TSNARE1: variants seen among roughly 807,000 people sequenced by gnomAD.
The protein encoded by TSNARE1 is t-SNARE domain-containing protein 1.
Under a neutral mutation model 62.0 loss-of-function variants are expected in TSNARE1, and 49 were observed. The ratio of observed to expected loss-of-function variants is 0.79; its 90% CI spans 0.63 to 1.00. TSNARE1 has a LOEUF of 1.00. TSNARE1 is among the 50% of genes least tolerant of loss of function. The probability of loss-of-function intolerance (pLI) is 0.00; values close to 1 mark genes in which losing one functional copy is unlikely to be tolerated. For synonymous variants in TSNARE1, 328 were observed against 294.4 expected (o/e 1.11, Z -1.17); for missense variants, 755 against 700.1 (o/e 1.08, Z -0.88).
At chr8:142,331,223 G>A (rs993369380) in intron 5 of TSNARE1, among the ~76,000 whole-genome samples, 4 of 152,238 alleles carry the variant, frequency 2.6e-5, no homozygotes, top group Non-Finnish European at 5.9e-5. Flanking sequence ...CAGGGGCTCT[G>A]AGGAGCTGCC....
At chr8:142,397,239 G>A (rs1053990268) in intron 1 of TSNARE1, among the ~76,000 whole-genome samples, 3 of 149,786 alleles carry the variant, frequency 2.0e-5, no homozygotes, top group African/African-American at 4.9e-5. Flanking sequence ...TGGCAGTGGC[G>A]AGGCAGCCCG....
chr8:142,298,724 C>A (rs988913186), intron 10 of TSNARE1, among the ~76,000 whole-genome samples: 2 of 152,222 alleles, frequency 1.3e-5, no homozygotes, highest in African/African-American at 4.8e-5. Context: ...TCACGACACT[C>A]TATGCCCCAC....
At chr8:142,224,984 G>T (rs1257670892) in intron 13 of TSNARE1, among the ~76,000 whole-genome samples, 4 of 152,228 alleles carry the variant, frequency 2.6e-5, no homozygotes, top group South Asian at 4.1e-4. Context: ...TGCAGGCTGG[G>T]AGCTGCTCCC....
At chr8:142,267,300 T>C (rs929090998) in intron 12 of TSNARE1, among the ~76,000 whole-genome samples, 1 of 152,178 alleles carries the variant, frequency 6.6e-6, no homozygotes, top group Non-Finnish European at 1.5e-5. Flanking sequence ...AACCTTCTTC[T>C]TGGATCCAGG....
intron 2 of TSNARE1, among the ~76,000 whole-genome samples, chr8:142,351,386 G>C (rs1834075112): frequency 6.6e-6 from 1 of 152,202 alleles, no homozygotes; most frequent in Non-Finnish European, 1.5e-5. Flanking sequence ...CAGCAGGAAA[G>C]AAAGTTTTTA....
intron 10 of TSNARE1, among the ~76,000 whole-genome samples, chr8:142,292,766 T>A (rs1225929298): frequency 6.6e-6 from 1 of 151,998 alleles, no homozygotes; most frequent in Non-Finnish European, 1.5e-5. Flanking sequence ...GGAGCCCTAC[T>A]CCAGGCTGCA....
intron 13 of TSNARE1, among the ~76,000 whole-genome samples, chr8:142,218,453 C>T (rs1173636655): frequency 2.6e-5 from 4 of 152,212 alleles, no homozygotes; most frequent in Non-Finnish European, 4.4e-5. Context: ...CACTCAGAGC[C>T]TGGTCTGGTT....
At chr8:142,299,592 C>T (rs543001693) in intron 10 of TSNARE1, among the ~76,000 whole-genome samples, 1 of 152,326 alleles carries the variant, frequency 6.6e-6, no homozygotes, top group Non-Finnish European at 1.5e-5. Context: ...AGAGAAGAGG[C>T]TCACTCACAT....
At chr8:142,353,990 A>C (rs1412789037) in intron 2 of TSNARE1, among the ~76,000 whole-genome samples, 1 of 152,132 alleles carries the variant, frequency 6.6e-6, no homozygotes, top group East Asian at 1.9e-4. Context: ...GCCCTGACCC[A>C]GACATCACCT....
intron 1 of TSNARE1, chr8:142,366,083 C>T: frequency 3.0e-6 from 1 of 334,124 alleles, no homozygotes; most frequent in South Asian, 2.3e-5. Flanking sequence ...GTTGACCAGG[C>T]TGGAGTGCAG....
chr8:142,276,352 C>T, intron 11 of TSNARE1: 1 of 985,462 alleles, frequency 1.0e-6, no homozygotes, highest in Non-Finnish European at 1.2e-6. Context: ...GAAGATGGGG[C>T]CAGAGGTGTG....
intron 10 of TSNARE1, among the ~76,000 whole-genome samples, chr8:142,287,763 A>G (rs1021923903): frequency 6.2e-5 from 9 of 145,820 alleles, no homozygotes; most frequent in African/African-American, 2.1e-4. Context: ...CGTGAAACCC[A>G]GGACCCCGGC....
At chr8:142,301,846 G>A (rs1291398767) in intron 9 of TSNARE1, among the ~76,000 whole-genome samples, 2 of 152,196 alleles carry the variant, frequency 1.3e-5, no homozygotes, top group Non-Finnish European at 2.9e-5. Context: ...CGAGGACACT[G>A]AGGCAGAGCG....
At chr8:142,279,952 C>A (rs572658698) in intron 11 of TSNARE1, 1 of 1,109,604 alleles carries the variant, frequency 9.0e-7, no homozygotes, top group African/African-American at 1.7e-5. Flanking sequence ...GAGGAGGAGG[C>A]CGGGGGCGGG....
chr8:142,225,612 G>T (rs2130012132), intron 13 of TSNARE1, among the ~76,000 whole-genome samples: 1 of 152,338 alleles, frequency 6.6e-6, no homozygotes, highest in Non-Finnish European at 1.5e-5. Context: ...CCTCAGAGCA[G>T]CTCCATACCT....
chr8:142,269,329 T>C, intron 12 of TSNARE1: 2 of 609,240 alleles, frequency 3.3e-6, no homozygotes, highest in Non-Finnish European at 4.1e-6. Flanking sequence ...GGGCTCAGGG[T>C]CAAGGCTCAA....
At chr8:142,345,603 G>A in intron 3 of TSNARE1, 140 bp downstream of exon 3, 1 of 1,013,740 alleles carries the variant, frequency 9.9e-7, no homozygotes, top group Non-Finnish European at 1.4e-6. Flanking sequence ...GCCTGGCAGG[G>A]GGCAGGGGAT....
At chr8:142,330,142 A>C (rs923806248) in intron 6 of TSNARE1, among the ~76,000 whole-genome samples, 1 of 152,220 alleles carries the variant, frequency 6.6e-6, no homozygotes, top group Admixed American at 6.5e-5. Context: ...CATCCCGCTC[A>C]CTGCAGGGCG....
At chr8:142,303,907 T>C (rs569547910) in intron 9 of TSNARE1, among the ~76,000 whole-genome samples, 242 of 152,234 alleles carry the variant, frequency 1.6e-3, no homozygotes, top group Non-Finnish European at 2.9e-3. Context: ...AGCACGAGGC[T>C]AGGTGCTACT....
Sources: gnomAD v4.1 joint callset for allele counts (sites outside exome capture counted in the v4.1 genomes callset) on GRCh38, gnomAD v4.1.1 for gene constraint, MANE v1.5 for transcripts, NCBI Gene and HGNC (gene_info 2026-07-23, HGNC 2026-07-21) for gene names.